COL23A1: variants seen among roughly 807,000 people sequenced by gnomAD.
COL23A1 encodes the protein collagen type XXIII alpha 1 chain.
Under a neutral mutation model 99.3 loss-of-function variants are expected in COL23A1, and 97 were observed. The observed-to-expected ratio is 0.98, with a 90% CI of 0.83 to 1.16. The LOEUF (loss-of-function observed/expected upper bound fraction) is 1.16, where lower values mean the gene tolerates loss of function less well. Ranked by LOEUF, COL23A1 falls within the 50% of genes most tolerant of loss-of-function variation. The probability of loss-of-function intolerance (pLI) is 0.00; values close to 1 mark genes in which losing one functional copy is unlikely to be tolerated. For missense variants in COL23A1, 762 were observed against 757.4 expected (o/e 1.01, Z -0.07); for synonymous variants, 320 against 308.2 (o/e 1.04, Z -0.40).
At chr5:178,420,166 AC>A (rs1765524755) in intron 2 of COL23A1, among the ~76,000 whole-genome samples, 1 of 152,168 alleles carries the variant, frequency 6.6e-6, no homozygotes, top group African/African-American at 2.4e-5. Flanking sequence ...CAGTCTCGTC[AC>A]TTATCAGCCA....
chr5:178,455,935 T>G (rs932330066), intron 2 of COL23A1, among the ~76,000 whole-genome samples: 2 of 150,840 alleles, frequency 1.3e-5, no homozygotes, highest in East Asian at 2.0e-4. Flanking sequence ...CAGGCAAGAG[T>G]AGCTAAGACA....
chr5:178,507,410 T>G (rs990643113), intron 2 of COL23A1, among the ~76,000 whole-genome samples: 3 of 152,216 alleles, frequency 2.0e-5, no homozygotes, highest in Admixed American at 2.0e-4. Flanking sequence ...AGACTCCATT[T>G]TGAATCCTCC....
intron 2 of COL23A1, among the ~76,000 whole-genome samples, chr5:178,485,095 A>G (rs1106073): frequency 0.3 from 46,115 of 152,084 alleles, 8,522 homozygotes; most frequent in East Asian, 0.64. Context: ...CAAAAATTCC[A>G]GCAATATGCT....
chr5:178,388,214 T>G (rs1466208840), intron 2 of COL23A1, among the ~76,000 whole-genome samples: 1 of 152,158 alleles, frequency 6.6e-6, no homozygotes, highest in Non-Finnish European at 1.5e-5. Context: ...AGCAAGCAGG[T>G]CTGTCAGAGA....
In COL23A1 at chr5:178,309,582, C is replaced by T. The variant is rs1405385850; in HGVS notation, c.362-2663G>A. On this transcript the variant is annotated intron_variant, in intron 2 of 28. Transcript: ENST00000390654. This position sits in a 1 kb window ranked among gnomAD's most constrained non-coding sequence, Gnocchi z 4.7. ...ATTCTGAGCTCTGTACCTAAATGTC[C>T]AACTCCACTGGGAGGCACCACTTCC... Among the ~76,000 whole-genome samples, 1 of 152,006 alleles carries T rather than the reference C, an allele frequency of 6.6e-6. No individual in the cohort carries two copies. Among genetic ancestry groups the T allele is most frequent in the Non-Finnish European group, 1.5e-5 (1 of 67,986 alleles).
At chr5:178,249,450 T>A (rs1176465383) in intron 18 of COL23A1, among the ~76,000 whole-genome samples, 1 of 152,158 alleles carries the variant, frequency 6.6e-6, no homozygotes. Context: ...GATGGGTGGA[T>A]CATGTGAGCC....
chr5:178,241,963 C>G, intron 27 of COL23A1, 79 bp downstream of exon 27: 7 of 1,123,128 alleles, frequency 6.2e-6, no homozygotes, highest in Non-Finnish European at 9.0e-6. Context: ...CAGCTGAGTT[C>G]CGAGGACAGG....
At chr5:178,551,544 G>A (rs1762004237) in intron 2 of COL23A1, among the ~76,000 whole-genome samples, 1 of 152,144 alleles carries the variant, frequency 6.6e-6, no homozygotes, top group African/African-American at 2.4e-5. Flanking sequence ...CCAAAGGCAT[G>A]CTGCTTCAGG....
Position 178,578,842 on chromosome 5 carries a change from G to C in COL23A1, c.294+11062C>G, listed in dbSNP as rs537862139. Among the ~76,000 whole-genome samples the C allele has an allele frequency of 4.6e-5, 7 of 151,898 alleles. No homozygotes were observed. The South Asian group carries it at 1.3e-3, about 27-fold the overall frequency. On this transcript the variant is annotated intron_variant, in intron 1 of 28. Transcript: ENST00000390654. ...AAGCAGACTTTTTTTTTTTGAGACAGAGGACTCTCTTAATTAAAGCAAATT... is the reference window on the plus strand; with the variant it reads ...AAGCAGACTTTTTTTTTTTGAGACACAGGACTCTCTTAATTAAAGCAAATT...
intron 2 of COL23A1, among the ~76,000 whole-genome samples, chr5:178,373,355 C>T (rs906475585): frequency 2.6e-5 from 4 of 152,206 alleles, no homozygotes; most frequent in Admixed American, 6.5e-5. Context: ...AACTGACTGC[C>T]GTTCTCAGTG....
At chr5:178,454,111 G>A (rs1767637650) in intron 2 of COL23A1, among the ~76,000 whole-genome samples, 1 of 152,072 alleles carries the variant, frequency 6.6e-6, no homozygotes, top group South Asian at 2.1e-4. Context: ...CACAACATAT[G>A]GACAGTTAAG....
At chr5:178,315,072 C>T (rs1430832955) in intron 2 of COL23A1, among the ~76,000 whole-genome samples, 3 of 152,174 alleles carry the variant, frequency 2.0e-5, no homozygotes, top group Admixed American at 6.5e-5. Context: ...ACTCCAGCCC[C>T]CTTTATGCAT....
intron 2 of COL23A1, among the ~76,000 whole-genome samples, chr5:178,527,752 G>A (rs1253265133): frequency 6.6e-6 from 1 of 152,026 alleles, no homozygotes; most frequent in African/African-American, 2.4e-5. Context: ...AGACGCCCCT[G>A]CCCACGCCCC....
At chr5:178,504,892 G>GA (rs1337328560) in intron 2 of COL23A1, among the ~76,000 whole-genome samples, 2 of 152,194 alleles carry the variant, frequency 1.3e-5, no homozygotes, top group African/African-American at 4.8e-5. Flanking sequence ...TGAGGATTCT[G>GA]AAGTGTTGGC....
At chr5:178,243,112 C>T (rs1581432258) in intron 25 of COL23A1, among the ~76,000 whole-genome samples, 1 of 151,832 alleles carries the variant, frequency 6.6e-6, no homozygotes, top group East Asian at 1.9e-4. Flanking sequence ...ATTGCCTGAA[C>T]CTGAGAGGTG....
intron 2 of COL23A1, among the ~76,000 whole-genome samples, chr5:178,403,603 C>T (rs115031771): frequency 0.011 from 1,682 of 152,306 alleles, 26 homozygotes; most frequent in African/African-American, 0.039. Flanking sequence ...CACTTCCAGG[C>T]AAAAGGCCTA....
intron 1 of COL23A1, among the ~76,000 whole-genome samples, chr5:178,582,418 G>A (rs759331432): frequency 3.0e-4 from 45 of 152,052 alleles, no homozygotes; most frequent in Non-Finnish European, 5.6e-4. Flanking sequence ...CCCAACACCC[G>A]CCACTGCCCC....
intron 2 of COL23A1, among the ~76,000 whole-genome samples, chr5:178,324,835 T>A (rs1261981253): frequency 6.6e-6 from 1 of 152,164 alleles, no homozygotes; most frequent in African/African-American, 2.4e-5. Context: ...GTGAGCAGCA[T>A]CGCCACCTAC....
At chr5:178,259,643 A>G in intron 12 of COL23A1, 78 bp downstream of exon 12, 1 of 635,832 alleles carries the variant, frequency 1.6e-6, no homozygotes, top group East Asian at 5.4e-5. Context: ...CCCCATCCCC[A>G]TTCCGTCCCA....
Sources: gnomAD v4.1 joint callset for allele counts (sites outside exome capture counted in the v4.1 genomes callset) on GRCh38, gnomAD v4.1.1 for gene constraint, Gnocchi (gnomAD v3.1) non-coding constraint, MANE v1.5 for transcripts, NCBI Gene and HGNC (gene_info 2026-07-23, HGNC 2026-07-21) for gene names.